The following GRIK2 variants were observed in gnomAD, a reference collection of about 807,000 sequenced individuals.
GRIK2 encodes the protein glutamate ionotropic receptor kainate type subunit 2, also known as glutamate receptor ionotropic, kainate 2.
A neutral mutation model predicts 100.3 loss-of-function variants in GRIK2; 32 were observed. The observed-to-expected ratio is 0.32, with a 90% CI of 0.24 to 0.43. GRIK2 has a LOEUF of 0.43. Among genes scored for constraint, GRIK2 ranks in the 20% least tolerant of loss-of-function variants. The pLI, the probability that GRIK2 is intolerant of heterozygous loss-of-function variation, is 1.00. For missense variants in GRIK2, 843 were observed against 1,114.9 expected (o/e 0.76, Z 3.47); for synonymous variants, 417 against 389.4 (o/e 1.07, Z -0.83).
chr6:102,049,465 G>A (rs552663535), intron 15 of GRIK2, among the ~76,000 whole-genome samples: 1 of 152,126 alleles, frequency 6.6e-6, no homozygotes, highest in South Asian at 2.1e-4. Flanking sequence ...AAGCGAGAGG[G>A]AAAAATTCTT....
At chr6:101,801,573 G>A (rs1196794322) in intron 8 of GRIK2, among the ~76,000 whole-genome samples, 1 of 151,814 alleles carries the variant, frequency 6.6e-6, no homozygotes, top group Admixed American at 6.6e-5. Flanking sequence ...CATTTTAGTT[G>A]TGAGTATACA....
chr6:101,606,353 T>C (rs1779437241), intron 2 of GRIK2, among the ~76,000 whole-genome samples: 1 of 152,014 alleles, frequency 6.6e-6, no homozygotes. Flanking sequence ...GCAAGGGTCT[T>C]ATGGGTACCT....
chr6:101,438,425 A>G (rs1769857759), intron 2 of GRIK2, among the ~76,000 whole-genome samples: 1 of 152,114 alleles, frequency 6.6e-6, no homozygotes, highest in Non-Finnish European at 1.5e-5. Flanking sequence ...GATGAATTTT[A>G]TTTGAGAGAT....
chr6:101,754,596 C>T (rs1735871219), intron 7 of GRIK2, among the ~76,000 whole-genome samples: 1 of 152,070 alleles, frequency 6.6e-6, no homozygotes, highest in South Asian at 2.1e-4. Flanking sequence ...TTCAGTCTCA[C>T]GAGGGAAATA....
At chr6:101,665,690 T>C (rs1178969556) in intron 4 of GRIK2, among the ~76,000 whole-genome samples, 1 of 152,194 alleles carries the variant, frequency 6.6e-6, no homozygotes, top group African/African-American at 2.4e-5. Flanking sequence ...TAGAATCCAT[T>C]TGAGAGACTA....
At chr6:101,922,088 C>CTACCTTTCTCCCT (rs778299734) in intron 12 of GRIK2, among the ~76,000 whole-genome samples, 2 of 38,388 alleles carry the variant, frequency 5.2e-5, no homozygotes, top group Admixed American at 2.5e-4. Context: ...TCCTTCCTTC[C>CTACCTTTCTCCCT]TTCCTTCCTT....
chr6:101,453,518 C>A (rs1770826671), intron 2 of GRIK2, among the ~76,000 whole-genome samples: 1 of 151,904 alleles, frequency 6.6e-6, no homozygotes, highest in African/African-American at 2.4e-5. Context: ...TTAAGATTTG[C>A]AGACGTGTTA....
chr6:101,913,017 T>G (rs1055501559), intron 12 of GRIK2, among the ~76,000 whole-genome samples: 1 of 151,628 alleles, frequency 6.6e-6, no homozygotes, highest in Non-Finnish European at 1.5e-5. Context: ...ATATATTTTA[T>G]TTTTGAATTT....
intron 7 of GRIK2, among the ~76,000 whole-genome samples, chr6:101,696,257 T>C (rs1772477453): frequency 6.6e-6 from 1 of 151,796 alleles, no homozygotes; most frequent in Admixed American, 6.6e-5. Flanking sequence ...ATAGAGATTC[T>C]AAAAACTATC....
intron 14 of GRIK2, among the ~76,000 whole-genome samples, chr6:101,947,237 G>A (rs1427322015): frequency 6.6e-6 from 1 of 152,104 alleles, no homozygotes; most frequent in Non-Finnish European, 1.5e-5. Context: ...CTAACAATAT[G>A]TAACTGGGTG....
intron 2 of GRIK2, among the ~76,000 whole-genome samples, chr6:101,486,009 T>C (rs1772805786): frequency 6.6e-6 from 1 of 151,994 alleles, no homozygotes; most frequent in Non-Finnish European, 1.5e-5. Flanking sequence ...GGTTTCTAGT[T>C]ATGCTGTTTT....
At chr6:101,635,536 A>C (rs1780962548) in intron 4 of GRIK2, among the ~76,000 whole-genome samples, 1 of 152,192 alleles carries the variant, frequency 6.6e-6, no homozygotes, top group South Asian at 2.1e-4. Flanking sequence ...GCTTCTGCAC[A>C]GCAAAAGAAA....
intron 15 of GRIK2, among the ~76,000 whole-genome samples, chr6:102,054,646 A>G (rs1406680157): frequency 6.6e-6 from 1 of 152,144 alleles, no homozygotes; most frequent in East Asian, 1.9e-4. Flanking sequence ...CTGGAAAAAA[A>G]CAAAATAAAA....
intron 4 of GRIK2, among the ~76,000 whole-genome samples, chr6:101,650,943 G>A (rs997968855): frequency 6.6e-6 from 1 of 150,728 alleles, no homozygotes; most frequent in Non-Finnish European, 1.5e-5. Context: ...TTGCACTTCT[G>A]CAGACAAAGA....
intron 14 of GRIK2, among the ~76,000 whole-genome samples, chr6:102,013,818 A>T (rs1795678160): frequency 6.6e-6 from 1 of 152,142 alleles, no homozygotes; most frequent in South Asian, 2.1e-4. Context: ...ATGTGCTGCT[A>T]GATTCAATTT....
chr6:101,795,474 C>T (rs941618365), intron 7 of GRIK2, among the ~76,000 whole-genome samples: 67 of 152,244 alleles, frequency 4.4e-4, no homozygotes, highest in Admixed American at 9.8e-4. Context: ...TACAAGGGCA[C>T]GTGTGTTAGT....
In GRIK2 at chr6:101,963,278, ATTTTTTTTTTTTTTTTTT is replaced by A. The variant is rs3029099; in HGVS notation, c.2085+34666_2085+34683del. Among the ~76,000 whole-genome samples, 146 of 27,840 alleles carry A rather than the reference ATTTTTTTTTTTTTTTTTT, an allele frequency of 5.2e-3. 1 individual carries two copies. The highest frequency in any genetic ancestry group is 7.8e-3 in the Admixed American group (15 of 1,924). 18.3% of individuals were successfully genotyped at this position (27,840 alleles called of 152,430 possible). A position where few individuals can be genotyped will look rare whatever the true frequency, so the allele number is the denominator to read the frequency against. On this transcript the variant is annotated intron_variant, in intron 14 of 16. Transcript: ENST00000369134. ...TATTTCATATTTATACTTATTTAGG[ATTTTTTTTTTTTTTTTTT>A]TTTTTTTTTTTTTTTTTTTGAGATG...
intron 2 of GRIK2, among the ~76,000 whole-genome samples, chr6:101,463,904 C>T (rs201240871): frequency 6.6e-6 from 1 of 151,902 alleles, no homozygotes. Context: ...TTAAAGGATG[C>T]AAAGTATTGT....
chr6:101,468,747 A>T (rs2128255083), intron 2 of GRIK2, among the ~76,000 whole-genome samples: 1 of 152,278 alleles, frequency 6.6e-6, no homozygotes, highest in Non-Finnish European at 1.5e-5. Context: ...AAGCCATGAT[A>T]ATCCAGTAAA....
Sources: gnomAD v4.1 joint callset for allele counts (sites outside exome capture counted in the v4.1 genomes callset) on GRCh38, gnomAD v4.1.1 for gene constraint, MANE v1.5 for transcripts, NCBI Gene and HGNC (gene_info 2026-07-23, HGNC 2026-07-21) for gene names.